NTM: variants seen among roughly 807,000 people sequenced by gnomAD.
The protein encoded by NTM is IgLON family member 2.
In NTM, 13 loss-of-function variants were observed where a neutral mutation model predicts 42.1. That is an observed-to-expected ratio of 0.31 (90% confidence interval 0.20 to 0.49). NTM has a LOEUF of 0.49. NTM is among the 20% of genes least tolerant of loss of function. The probability of loss-of-function intolerance (pLI) is 0.99; values close to 1 mark genes in which losing one functional copy is unlikely to be tolerated. For synonymous variants in NTM, 187 were observed against 179.2 expected (o/e 1.04, Z -0.35); for missense variants, 373 against 452.8 (o/e 0.82, Z 1.60).
chr11:131,397,797 G>T (rs1944722553), intron 1 of NTM, among the ~76,000 whole-genome samples: 1 of 152,122 alleles, frequency 6.6e-6, no homozygotes, highest in Admixed American at 6.5e-5. Flanking sequence ...CGTGTCCCCA[G>T]TTCTTACAGG....
intron 1 of NTM, among the ~76,000 whole-genome samples, chr11:131,524,903 AG>A (rs2050241606): frequency 6.6e-6 from 1 of 152,210 alleles, no homozygotes; most frequent in Non-Finnish European, 1.5e-5. Context: ...TAGCTGTGAA[AG>A]GGGTCAATAG....
chr11:131,667,317 G>A (rs893760502), intron 1 of NTM, among the ~76,000 whole-genome samples: 1 of 152,160 alleles, frequency 6.6e-6, no homozygotes, highest in Admixed American at 6.5e-5. Flanking sequence ...CTTCTGCCTA[G>A]AAAGCACTTC....
intron 3 of NTM, among the ~76,000 whole-genome samples, chr11:132,168,414 A>T (rs1449215409): frequency 6.6e-6 from 1 of 152,090 alleles, no homozygotes; most frequent in African/African-American, 2.4e-5. Context: ...TTTCATTGTA[A>T]TTCTGTGGTA....
intron 1 of NTM, among the ~76,000 whole-genome samples, chr11:131,695,092 C>T (rs570588130): frequency 6.6e-6 from 1 of 152,270 alleles, no homozygotes; most frequent in East Asian, 1.9e-4. Context: ...ACGCACGATG[C>T]GTTGTCCAGG....
At chr11:131,494,350 C>A (rs967825894) in intron 1 of NTM, among the ~76,000 whole-genome samples, 2 of 152,100 alleles carry the variant, frequency 1.3e-5, no homozygotes, top group Non-Finnish European at 2.9e-5. Context: ...TGGTAACACA[C>A]AATAGAGTAC....
chr11:131,511,524 A>G (rs374948669), intron 1 of NTM, among the ~76,000 whole-genome samples: 3 of 152,328 alleles, frequency 2.0e-5, no homozygotes, highest in East Asian at 1.9e-4. Flanking sequence ...CCAAACTTCA[A>G]TCTGAAGCCT....
At chr11:131,602,494 A>G (rs2060574420) in intron 1 of NTM, among the ~76,000 whole-genome samples, 1 of 152,204 alleles carries the variant, frequency 6.6e-6, no homozygotes, top group Non-Finnish European at 1.5e-5. Flanking sequence ...CTCCCCATAG[A>G]GTTCCCAGTG....
chr11:131,505,835 G>C (rs1436911937), intron 1 of NTM, among the ~76,000 whole-genome samples: 1 of 152,196 alleles, frequency 6.6e-6, no homozygotes, highest in Non-Finnish European at 1.5e-5. Context: ...ACATGAGAAT[G>C]CAGGCTTCTG....
intron 2 of NTM, among the ~76,000 whole-genome samples, chr11:131,951,821 CAAAAAAAAAAAA>C (rs11366451): frequency 1.4e-5 from 1 of 70,154 alleles, no homozygotes; most frequent in Admixed American, 1.7e-4. Flanking sequence ...GACTCCGTCT[CAAAAAAAAAAAA>C]AAAAAAAAAA....
chr11:131,863,698 A>G (rs1038925170), intron 1 of NTM, among the ~76,000 whole-genome samples: 7 of 152,220 alleles, frequency 4.6e-5, no homozygotes, highest in African/African-American at 1.7e-4. Flanking sequence ...GATATGGAGA[A>G]ACATGAGCAC....
intron 1 of NTM, among the ~76,000 whole-genome samples, chr11:131,854,289 T>C (rs2045891201): frequency 6.6e-6 from 1 of 152,222 alleles, no homozygotes; most frequent in Non-Finnish European, 1.5e-5. Flanking sequence ...TTTCTTCCTT[T>C]AGGGAGCTAC....
At chr11:131,731,165 G>T (rs906437024) in intron 1 of NTM, among the ~76,000 whole-genome samples, 11 of 152,052 alleles carry the variant, frequency 7.2e-5, no homozygotes, top group African/African-American at 2.4e-5. Context: ...TCCTCCTCCC[G>T]TGTGGGGTCT....
chr11:131,944,893 G>A (rs1331653709), intron 2 of NTM, among the ~76,000 whole-genome samples: 3 of 152,090 alleles, frequency 2.0e-5, no homozygotes, highest in African/African-American at 7.2e-5. Context: ...AGTTCAGTTT[G>A]GAATCATTTG....
intron 1 of NTM, among the ~76,000 whole-genome samples, chr11:131,513,397 A>T (rs1197543358): frequency 6.6e-6 from 1 of 152,142 alleles, no homozygotes; most frequent in African/African-American, 2.4e-5. Flanking sequence ...GACCACAGAG[A>T]TGGCCAAGCC....
At chr11:131,850,844 A>G (rs1335443748) in intron 1 of NTM, among the ~76,000 whole-genome samples, 1 of 152,244 alleles carries the variant, frequency 6.6e-6, no homozygotes, top group East Asian at 1.9e-4. Flanking sequence ...GCACTGACCC[A>G]TAGGATTTCT....
chr11:132,045,757 C>T (rs1309167853), intron 2 of NTM, among the ~76,000 whole-genome samples: 3 of 152,110 alleles, frequency 2.0e-5, no homozygotes, highest in Non-Finnish European at 2.9e-5. Flanking sequence ...CTTTTTCCCA[C>T]GGCACAGCAC....
intron 1 of NTM, among the ~76,000 whole-genome samples, chr11:131,848,331 G>A (rs1592253661): frequency 6.6e-6 from 1 of 152,128 alleles, no homozygotes; most frequent in East Asian, 1.9e-4. Flanking sequence ...GAGTTTCCTT[G>A]ATTTTTCTTA....
intron 2 of NTM, among the ~76,000 whole-genome samples, chr11:131,940,097 A>G (rs2059636157): frequency 6.6e-6 from 1 of 152,206 alleles, no homozygotes; most frequent in African/African-American, 2.4e-5. Context: ...AGCTTTTCTC[A>G]CTGTTTTTAG....
chr11:132,170,074 G>C lies in NTM; in HGVS notation c.400+23560G>C, dbSNP rs1431376226. ...AGAAACCAGCAACTACAAACCTTCAGATGCTGTGAGCCAAGTGCTGACTGA... is the reference window on the plus strand; with the variant it reads ...AGAAACCAGCAACTACAAACCTTCACATGCTGTGAGCCAAGTGCTGACTGA... On this transcript the variant is annotated intron_variant, in intron 3 of 8. Transcript: ENST00000683400. Among the ~76,000 whole-genome samples, 3 of 152,324 alleles carry C rather than the reference G, an allele frequency of 2.0e-5. No homozygotes were observed. The East Asian group carries it at 5.8e-4, about 29-fold the overall frequency.
Sources: allele counts gnomAD v4.1 joint callset (sites outside exome capture counted in the v4.1 genomes callset), GRCh38; gene constraint gnomAD v4.1.1; transcripts MANE v1.5; gene names NCBI Gene and HGNC (gene_info 2026-07-23, HGNC 2026-07-21).